The following SCAMP1 variants were observed in gnomAD, a reference collection of about 807,000 sequenced individuals.
SCAMP1 encodes the protein secretory carrier membrane protein 1.
A neutral mutation model predicts 41.8 loss-of-function variants in SCAMP1; 15 were observed. The ratio of observed to expected loss-of-function variants is 0.36; its 90% CI spans 0.24 to 0.55. The LOEUF is 0.55. Ranked by LOEUF, SCAMP1 falls within the 20% of genes least tolerant of loss-of-function variation. The probability of loss-of-function intolerance (pLI) is 0.86; values close to 1 mark genes in which losing one functional copy is unlikely to be tolerated. For missense variants in SCAMP1, 341 were observed against 412.6 expected, an observed-to-expected ratio of 0.83 and a Z score of 1.50; for synonymous variants, 135 against 136.8, an observed-to-expected ratio of 0.99 and a Z score of 0.09.
chr5:78,409,162 A>G (rs1466207525), intron 2 of SCAMP1, among the ~76,000 whole-genome samples: 1 of 152,148 alleles, frequency 6.6e-6, no homozygotes, highest in East Asian at 1.9e-4. Flanking sequence ...ATCACTAGTA[A>G]TTTGGTGAAT....
intron 6 of SCAMP1, among the ~76,000 whole-genome samples, chr5:78,424,837 G>A (rs901722897): frequency 6.6e-6 from 1 of 152,204 alleles, no homozygotes; most frequent in African/African-American, 2.4e-5. Flanking sequence ...TAACAAGGCA[G>A]CATTATTGTT....
chr5:78,443,171 C>T (rs1050587882), intron 6 of SCAMP1, among the ~76,000 whole-genome samples: 1 of 138,062 alleles, frequency 7.2e-6, no homozygotes, highest in African/African-American at 2.7e-5. Context: ...TGAGATCGTA[C>T]CACTGCACTC....
At chr5:78,366,820 C>G (rs1178525937) in intron 1 of SCAMP1, among the ~76,000 whole-genome samples, 2 of 149,880 alleles carry the variant, frequency 1.3e-5, no homozygotes, top group African/African-American at 4.9e-5. Flanking sequence ...ACTTCCATCT[C>G]TACTAAAATT....
chr5:78,415,651 G>T, intron 3 of SCAMP1, 33 bp downstream of exon 3: 1 of 1,288,498 alleles, frequency 7.8e-7, no homozygotes, highest in Non-Finnish European at 1.1e-6. Context: ...AATTCATATT[G>T]GCCATTATAA....
intron 6 of SCAMP1, among the ~76,000 whole-genome samples, chr5:78,427,676 A>G (rs1016863663): frequency 3.3e-5 from 5 of 152,058 alleles, no homozygotes; most frequent in Admixed American, 6.6e-5. Flanking sequence ...TGAGGGTTCT[A>G]GTTTCTCTGC....
At chr5:78,452,779 G>T (rs997337171) in intron 7 of SCAMP1, among the ~76,000 whole-genome samples, 5 of 146,404 alleles carry the variant, frequency 3.4e-5, no homozygotes, top group East Asian at 4.0e-4. Context: ...TTCCACAATG[G>T]TTGAACTAGT....
At chr5:78,434,172 T>C (rs923671745) in intron 6 of SCAMP1, among the ~76,000 whole-genome samples, 3 of 152,214 alleles carry the variant, frequency 2.0e-5, no homozygotes, top group Admixed American at 2.0e-4. Flanking sequence ...GAGTGAGTGA[T>C]GATACCCATG....
rs144289718 is a variant in SCAMP1 at position 78,439,742 on chromosome 5, A to C, written c.633-10191A>C. The stretch of plus-strand genomic sequence containing the variant: ...ATCTGTGTGGCGTTCTCTGTATTTC[A>C]TGAATTTGAATGTTGACCTGCCTTG... On this transcript the variant is annotated intron_variant, in intron 6 of 8. Transcript: ENST00000621999. Among the ~76,000 whole-genome samples, 7 of 152,140 alleles carry C rather than the reference A, an allele frequency of 4.6e-5. No individual in the cohort carries two copies. In the East Asian group the frequency reaches 1.4e-3, roughly 29 times the overall value.
At chr5:78,438,462 T>A (rs1305050787) in intron 6 of SCAMP1, among the ~76,000 whole-genome samples, 1 of 152,248 alleles carries the variant, frequency 6.6e-6, no homozygotes, top group Non-Finnish European at 1.5e-5. Flanking sequence ...TGCCTTCATT[T>A]CGTTTTTTAC....
intron 1 of SCAMP1, among the ~76,000 whole-genome samples, chr5:78,382,952 G>C (rs1751247763): frequency 6.6e-6 from 1 of 151,360 alleles, no homozygotes; most frequent in Admixed American, 6.6e-5. Flanking sequence ...CTTTTCCTTT[G>C]GATTGATATC....
At chr5:78,454,829 G>A (rs1281192297) in intron 7 of SCAMP1, among the ~76,000 whole-genome samples, 2 of 152,138 alleles carry the variant, frequency 1.3e-5, no homozygotes, top group African/African-American at 4.8e-5. Context: ...CTTTTTGGTT[G>A]GTAAAATATT....
intron 4 of SCAMP1, among the ~76,000 whole-genome samples, 158 bp downstream of exon 4, chr5:78,416,807 G>C (rs910813800): frequency 4.6e-5 from 7 of 152,184 alleles, no homozygotes; most frequent in African/African-American, 1.7e-4. Context: ...TTGATACTCT[G>C]TAGCCTTCTA....
chr5:78,461,805 C>T (rs1208130512), intron 8 of SCAMP1, among the ~76,000 whole-genome samples: 1 of 152,124 alleles, frequency 6.6e-6, no homozygotes, highest in Non-Finnish European at 1.5e-5. Flanking sequence ...CTCAAGTGAT[C>T]CGCCCGCCTC....
chr5:78,439,498 T>C (rs572572601), intron 6 of SCAMP1, among the ~76,000 whole-genome samples: 219 of 152,322 alleles, frequency 1.4e-3, no homozygotes, highest in African/African-American at 5.0e-3. Context: ...GGATATGAAA[T>C]TCTGGGTTGA....
At chr5:78,408,722 C>G (rs530726874) in intron 2 of SCAMP1, among the ~76,000 whole-genome samples, 5 of 152,148 alleles carry the variant, frequency 3.3e-5, no homozygotes, top group East Asian at 1.9e-4. Context: ...CCTCAGCCTC[C>G]TAAGTAACTG....
chr5:78,466,794 C>T (rs570484788), intron 8 of SCAMP1, among the ~76,000 whole-genome samples: 99 of 152,132 alleles, frequency 6.5e-4, no homozygotes, highest in Admixed American at 2.5e-3. Context: ...TTGGGATTTG[C>T]GGGGCCGAGC....
intron 8 of SCAMP1, among the ~76,000 whole-genome samples, chr5:78,474,435 A>G (rs1208719049): frequency 6.6e-6 from 1 of 152,156 alleles, no homozygotes; most frequent in African/African-American, 2.4e-5. Flanking sequence ...TGAATGAACA[A>G]ATGTTTAGAA....
At chr5:78,425,217 T>A (rs370856042) in intron 6 of SCAMP1, among the ~76,000 whole-genome samples, 5 of 152,312 alleles carry the variant, frequency 3.3e-5, no homozygotes, top group East Asian at 3.9e-4. Context: ...AGTAGTACTT[T>A]CTCCCACTTT....
rs143324224 is a variant in SCAMP1 at position 78,427,589 on chromosome 5, C to T, written c.632+5629C>T. Among the ~76,000 whole-genome samples the T allele has an allele frequency of 2.3e-3, 349 of 151,970 alleles. 2 individuals carry two copies. Among genetic ancestry groups the T allele is most frequent in the Middle Eastern group, 0.01 (3 of 294 alleles). On this transcript the variant is annotated intron_variant, in intron 6 of 8. Transcript: ENST00000621999. ...CTGGGATGAAACTTTTTTTTTAAAA[C>T]GTGTCTAAATTTTTAAGAAACTGCC...
Sources: allele counts gnomAD v4.1 joint callset (sites outside exome capture counted in the v4.1 genomes callset), GRCh38; gene constraint gnomAD v4.1.1; transcripts MANE v1.5; gene names NCBI Gene and HGNC (gene_info 2026-07-23, HGNC 2026-07-21).